Variants in SUDS3 observed in about 807,000 individuals in gnomAD.
The protein encoded by SUDS3 is SIN3A corepressor complex component SDS3.
Under a neutral mutation model 53.5 loss-of-function variants are expected in SUDS3, and 23 were observed. The observed-to-expected ratio is 0.43, with a 90% CI of 0.31 to 0.61. The LOEUF (loss-of-function observed/expected upper bound fraction) is 0.61. Ranked by LOEUF, SUDS3 falls within the 20% of genes least tolerant of loss-of-function variation. The pLI, the probability that SUDS3 is intolerant of heterozygous loss-of-function variation, is 0.10. For synonymous variants in SUDS3, 150 were observed against 148.5 expected (o/e 1.01, Z -0.08); for missense variants, 291 against 405.9 (o/e 0.72, Z 2.43).
In SUDS3 at chr12:118,377,183, T is replaced by C. The variant is rs371785568; in HGVS notation, c.142+350T>C. 9.2e-5 allele frequency among the ~76,000 whole-genome samples: 14 copies of C among 152,150 alleles called. 1 individual carries two copies. The highest frequency in any genetic ancestry group is 7.8e-4 in the East Asian group (4 of 5,158). On this transcript the variant is annotated intron_variant, in intron 1 of 11. Coordinates refer to ENST00000543473, the MANE Select transcript of SUDS3 (RefSeq NM_022491.3). Reference sequence around the variant, plus strand: ...ACATCGAGTGTAGTTCGCCCCTTTTTTGTGTGTGAGAGCATCAGAGTCCAA... The same window carrying C: ...ACATCGAGTGTAGTTCGCCCCTTTTCTGTGTGTGAGAGCATCAGAGTCCAA...
chr12:118,396,509 C>A (rs911161175), intron 6 of SUDS3, among the ~76,000 whole-genome samples: 9 of 152,170 alleles, frequency 5.9e-5, no homozygotes, highest in South Asian at 2.1e-4. Flanking sequence ...CCTCCTTGGC[C>A]CCCCCAAAGT....
chr12:118,380,861 C>T (rs1030271974), intron 2 of SUDS3, among the ~76,000 whole-genome samples: 8 of 151,932 alleles, frequency 5.3e-5, no homozygotes, highest in East Asian at 1.9e-4. Context: ...CACGCCACCA[C>T]GCTCAGCTAA....
chr12:118,379,701 G>A (rs2046037038), intron 1 of SUDS3, among the ~76,000 whole-genome samples: 1 of 152,136 alleles, frequency 6.6e-6, no homozygotes, highest in Admixed American at 6.5e-5. Flanking sequence ...CCAGTCTTAC[G>A]CCTGCATCTC....
intron 2 of SUDS3, among the ~76,000 whole-genome samples, chr12:118,380,680 G>A (rs535580268): frequency 2.6e-5 from 4 of 152,316 alleles, no homozygotes; most frequent in Admixed American, 6.5e-5. Context: ...GAATGAGGCC[G>A]TACAACAGGA....
intron 10 of SUDS3, among the ~76,000 whole-genome samples, chr12:118,410,736 A>G (rs1012920085): frequency 1.3e-5 from 2 of 151,992 alleles, no homozygotes; most frequent in East Asian, 3.9e-4. Context: ...AGCTGGGACT[A>G]TAGGCACCTG....
chr12:118,405,255 C>A (rs954813919), intron 10 of SUDS3, among the ~76,000 whole-genome samples: 4 of 152,218 alleles, frequency 2.6e-5, no homozygotes, highest in African/African-American at 9.7e-5. Flanking sequence ...AACATTTTTA[C>A]AAATCTATGA....
chr12:118,389,113 C>T (rs914791546), intron 4 of SUDS3, among the ~76,000 whole-genome samples: 3 of 152,104 alleles, frequency 2.0e-5, no homozygotes, highest in Non-Finnish European at 4.4e-5. Flanking sequence ...CATGCCACTG[C>T]ACTCCAGTCT....
At position 118,386,192 on chromosome 12, in the gene SUDS3, C is replaced by T. The variant is rs1363569257; in HGVS notation, c.340+7C>T. On this transcript the variant is annotated splice_region_variant and intron_variant, in intron 4 of 11. Coordinates refer to ENST00000543473, the MANE Select transcript of SUDS3 (RefSeq NM_022491.3). ...GAGAGGATACGGAATGCAGGTAAGG[C>T]TCCTTTAAATGGCAATGAATCATCT... is the stretch of plus-strand genomic sequence containing the variant. The T allele has an allele frequency of 1.9e-6, 3 of 1,590,804 alleles. No individual in the cohort carries two copies. The highest frequency in any genetic ancestry group is 2.6e-6 in the Non-Finnish European group (3 of 1,167,620).
intron 6 of SUDS3, among the ~76,000 whole-genome samples, chr12:118,396,007 C>G (rs2046211890): frequency 6.6e-6 from 1 of 152,092 alleles, no homozygotes; most frequent in African/African-American, 2.4e-5. Context: ...TCCCCACCCC[C>G]ACAAACCTTA....
intron 3 of SUDS3, among the ~76,000 whole-genome samples, chr12:118,384,669 G>A (rs7315458): frequency 0.28 from 41,778 of 151,812 alleles, 6,746 homozygotes; most frequent in African/African-American, 0.45. Context: ...CGTCTCTACT[G>A]AAAAATGCAA....
intron 10 of SUDS3, among the ~76,000 whole-genome samples, chr12:118,408,858 C>G (rs567305655): frequency 3.9e-5 from 6 of 152,214 alleles, no homozygotes. Flanking sequence ...AACTTACAGT[C>G]CCTTTAGAAC....
At chr12:118,387,815 C>T (rs1163060278) in intron 4 of SUDS3, among the ~76,000 whole-genome samples, 2 of 152,162 alleles carry the variant, frequency 1.3e-5, no homozygotes, top group Non-Finnish European at 2.9e-5. Context: ...CTTGGCCTCC[C>T]AAAGTGCTGG....
intron 9 of SUDS3, chr12:118,402,383 C>T (rs748228835): frequency 2.2e-5 from 5 of 228,558 alleles, no homozygotes; most frequent in Admixed American, 5.2e-5. Flanking sequence ...GTTCTGCTCC[C>T]GTGGCTTTTC....
At chr12:118,380,822 A>G (rs1345727615) in intron 2 of SUDS3, among the ~76,000 whole-genome samples, 2 of 152,126 alleles carry the variant, frequency 1.3e-5, no homozygotes, top group Non-Finnish European at 2.9e-5. Context: ...CTCCTGCCTC[A>G]GCCTCCTGAG....
chr12:118,408,209 A>G (rs976534535), intron 10 of SUDS3, among the ~76,000 whole-genome samples: 1 of 149,020 alleles, frequency 6.7e-6, no homozygotes, highest in African/African-American at 2.5e-5. Context: ...AATTTTTTGT[A>G]TTTTAGTAGA....
intron 8 of SUDS3, 74 bp from the exon 9 acceptor site, chr12:118,401,909 A>G: frequency 6.2e-6 from 10 of 1,601,716 alleles, no homozygotes; most frequent in Admixed American, 5.0e-5. Context: ...GTTAATCATT[A>G]TGATACCTTT....
intron 3 of SUDS3, among the ~76,000 whole-genome samples, chr12:118,385,542 TG>T (rs1330844204): frequency 3.9e-5 from 6 of 152,182 alleles, no homozygotes; most frequent in African/African-American, 1.4e-4. Context: ...AACTGTTTTG[TG>T]GGAAGAGCAA....
rs757730832 is a variant in SUDS3, at chr12:118,401,793, C to T, written c.648C>T (p.Ile216=). 3.7e-6 allele frequency: 6 copies of T among 1,613,850 alleles called. No homozygotes were observed. The highest frequency in any genetic ancestry group is 1.7e-6 in the Non-Finnish European group (2 of 1,179,788). Residue 216 remains isoleucine (I), a synonymous_variant, in exon 8 of 12, where the codon ATC becomes ATT. Transcript: ENST00000543473. ...QLNYLLTDEQ[I]MEDLRTLNKL... ...ACTATTTGTTAACAGATGAACAGAT[C>T]ATGGAGGATCTGAGAACATTAAATA...
chr12:118,396,849 A>G (rs2141376798), intron 6 of SUDS3, among the ~76,000 whole-genome samples: 1 of 152,100 alleles, frequency 6.6e-6, no homozygotes, highest in East Asian at 1.9e-4. Context: ...CATTGCTTCA[A>G]CCTGAGCTCC....
Sources: allele counts gnomAD v4.1 joint callset (sites outside exome capture counted in the v4.1 genomes callset), GRCh38; gene constraint gnomAD v4.1.1; transcripts MANE v1.5; gene names NCBI Gene and HGNC (gene_info 2026-07-23, HGNC 2026-07-21).